Variants in CARMIL2 observed in about 807,000 individuals in gnomAD.
CARMIL2 encodes capping protein regulator and myosin 1 linker 2.
In CARMIL2, 96 loss-of-function variants were observed where a neutral mutation model predicts 173.3. That is an observed-to-expected ratio of 0.55 (90% CI 0.47 to 0.66). The LOEUF (loss-of-function observed/expected upper bound fraction) is 0.66, where lower values mean the gene tolerates loss of function less well. Ranked by LOEUF, CARMIL2 falls within the 30% of genes least tolerant of loss-of-function variation. CARMIL2 has a pLI of 0.00. For missense variants in CARMIL2, 1,771 were observed against 1,906.7 expected (o/e 0.93, Z 1.33); for synonymous variants, 830 against 817.1 (o/e 1.02, Z -0.27).
chr16:67,646,331 G>C lies in CARMIL2; in HGVS notation c.374+21G>C. On this transcript the variant is annotated intron_variant, in intron 5 of 37. Coordinates refer to ENST00000334583, the MANE Select transcript of CARMIL2 (RefSeq NM_001013838.3). The surrounding 1 kb of genome is among the most constrained non-coding windows in gnomAD (Gnocchi z 4.6). ...CTTGGGTGAGGCCTGGCAAATTCGA[G>C]GGGCTGGCAGGGGAGGAGGGAGTGC... 1 of 1,610,642 alleles carries C rather than the reference G, an allele frequency of 6.2e-7. No individual in the cohort carries two copies. Among genetic ancestry groups the C allele is most frequent in the Non-Finnish European group, 8.5e-7 (1 of 1,177,776 alleles).
chr16:67,646,693 G>C lies in CARMIL2; in HGVS notation c.467-21G>C. ...TTTTGTCTCTCTCCTTTTCCACATC[G>C]CACCCCTATCCCCTCCCCAGGTGGC... On this transcript the variant is annotated intron_variant, in intron 6 of 37. Coordinates refer to ENST00000334583, the MANE Select transcript of CARMIL2 (RefSeq NM_001013838.3). The surrounding 1 kb of genome is among the most constrained non-coding windows in gnomAD (Gnocchi z 4.6). 6.2e-7 allele frequency: 1 copy of C among 1,612,606 alleles called. No homozygotes were observed. The highest frequency in any genetic ancestry group is 1.1e-5 in the South Asian group (1 of 91,048).
chr16:67,652,500 A>G lies in CARMIL2; in HGVS notation c.2846A>G (p.Glu949Gly). Reference sequence around the variant, plus strand: ...GACAGTCCTCCACAGAAATGGCCTGAGCTCAGCCACGGTCTTCACCTGGTC... The same window carrying G: ...GACAGTCCTCCACAGAAATGGCCTGGGCTCAGCCACGGTCTTCACCTGGTC... ...KDDSPPQKWP[E>G]LSHGLHLVPF... Residue 949 changes from glutamate (E) to glycine (G), a missense_variant, in exon 28 of 38, where the codon GAG becomes GGG. By Grantham distance (98) the Glu-to-Gly change is moderately conservative. Coordinates refer to ENST00000334583, the MANE Select transcript of CARMIL2 (RefSeq NM_001013838.3). This position sits in a 1 kb window ranked among gnomAD's most constrained non-coding sequence, Gnocchi z 4.7. The G allele has an allele frequency of 6.2e-7, 1 of 1,613,524 alleles. No individual in the cohort carries two copies. The highest frequency in any genetic ancestry group is 8.5e-7 in the Non-Finnish European group (1 of 1,179,796).
Position 67,656,637 on chromosome 16 carries a change from G to A in CARMIL2, c.4028G>A (p.Arg1343Lys), listed in dbSNP as rs1437884868. ...CCAGAGGACCCTTGCTTGGGCCCCA[G>A]AAATGAAGGTAGGCAGGCACCTGAT... ...GLPEDPCLGP[R>K]NEDGQLRPRP... Residue 1343 changes from arginine (R) to lysine (K), a missense_variant, in exon 35 of 38, where the codon AGA becomes AAA. Arg to Lys is a conservative substitution (Grantham distance 26). Transcript: ENST00000334583. The A allele has an allele frequency of 6.3e-7, 1 of 1,589,376 alleles. No homozygotes were observed. Among genetic ancestry groups the A allele is most frequent in the Non-Finnish European group, 8.6e-7 (1 of 1,168,838 alleles).
In CARMIL2 at chr16:67,647,905, C is replaced by T. The variant is rs2052629523; in HGVS notation, c.1018C>T (p.His340Tyr). 6 of 1,611,608 alleles carry T rather than the reference C, an allele frequency of 3.7e-6. No individual in the cohort carries two copies. The highest frequency in any genetic ancestry group is 5.1e-6 in the Non-Finnish European group (6 of 1,178,882). ...TNAAFDSTLT[H>Y]LDLSGNPGAL... is the part of the protein sequence containing the mutation. Reference sequence around the variant, plus strand: ...TGCCGCCTTCGACTCCACCCTGACCCACCTGGACCTTTCTGGGAATCCTGG... The same window carrying T: ...TGCCGCCTTCGACTCCACCCTGACCTACCTGGACCTTTCTGGGAATCCTGG... Residue 340 changes from histidine to tyrosine, a missense_variant, in exon 13 of 38, where the codon CAC (histidine) becomes TAC (tyrosine). This residue lies in a region of CARMIL2 where 944 missense variants were observed against 975.6 expected (regional missense o/e 0.97). Coordinates refer to ENST00000334583, the MANE Select transcript of CARMIL2 (RefSeq NM_001013838.3).
At chr16:67,656,669 C>A (rs1231788916) in intron 35 of CARMIL2, 24 bp downstream of exon 35, 4 of 1,577,932 alleles carry the variant, frequency 2.5e-6, no homozygotes, top group Non-Finnish European at 2.6e-6. Flanking sequence ...TGATTCCCCA[C>A]CCCAATCCTG....
rs2052670289 is a variant in CARMIL2, at chr16:67,649,369, C to T, written c.1746+58C>T. 1.9e-6 allele frequency: 3 copies of T among 1,609,170 alleles called. No individual in the cohort carries two copies. The highest frequency in any genetic ancestry group is 1.7e-5 in the Admixed American group (1 of 60,016). ...AATTAGACCACTTTGGTCCTCCTTT[C>T]TCTTGTTCCCTCAGACCCTGTGACC... On this transcript the variant is annotated intron_variant, in intron 19 of 37. Transcript: ENST00000334583. This position sits in a 1 kb window ranked among gnomAD's most constrained non-coding sequence, Gnocchi z 6.7.
rs778387175 is a variant in CARMIL2, at chr16:67,646,870, G to GT, written c.538-30_538-29insT. ...CCCTCCCTGCCCCTTGTGGCCCCAG[G>GT]CGAACTGTAAGCATCTCCTTCTCAC... On this transcript the variant is annotated intron_variant, in intron 7 of 37. Coordinates refer to ENST00000334583, the MANE Select transcript of CARMIL2 (RefSeq NM_001013838.3). The surrounding 1 kb of genome is among the most constrained non-coding windows in gnomAD (Gnocchi z 4.6). The GT allele has an allele frequency of 6.2e-7, 1 of 1,613,646 alleles. No homozygotes were observed. The highest frequency in any genetic ancestry group is 8.5e-7 in the Non-Finnish European group (1 of 1,179,740).
rs192382147 is a variant in CARMIL2 at position 67,653,944 on chromosome 16, G to A, written c.3121-205G>A. ...AAGGACGGGTGTGGACTGGGTGTGC[G>A]GGAGCCAGCAGCGAGTGAGGAGTGC... On this transcript the variant is annotated intron_variant, in intron 29 of 37. Transcript: ENST00000334583. This position sits in a 1 kb window ranked among gnomAD's most constrained non-coding sequence, Gnocchi z 7.4. 5.3e-5 allele frequency among the ~76,000 whole-genome samples: 8 copies of A among 152,220 alleles called. No homozygotes were observed. In the East Asian group the frequency reaches 5.8e-4, roughly 11 times the overall value.
intron 8 of CARMIL2, 37 bp from the exon 9 acceptor site, chr16:67,647,079 G>A: frequency 6.2e-7 from 1 of 1,611,044 alleles, no homozygotes; most frequent in Non-Finnish European, 8.5e-7. Context: ...TGGCTGGAGG[G>A]CCCTGAGCTC....
Position 67,645,237 on chromosome 16 carries a change from C to A in CARMIL2, c.-10C>A, listed in dbSNP as rs759070808. On this transcript the variant is annotated 5_prime_UTR_variant, in exon 1 of 38. Coordinates refer to ENST00000334583, the MANE Select transcript of CARMIL2 (RefSeq NM_001013838.3). ...CGGAGCTCGTTGGGCCTCCCCGGCC[C>A]GCCCGGCCCATGGCCCAGACCCCCG... The A allele has an allele frequency of 6.3e-7, 1 of 1,586,658 alleles. No individual in the cohort carries two copies. Among genetic ancestry groups the A allele is most frequent in the South Asian group, 1.1e-5 (1 of 87,218 alleles).
rs982172657 is a variant in CARMIL2 at position 67,656,881 on chromosome 16, G to A, written c.4117G>A (p.Glu1373Lys). The change falls in exon 36 of 38, where the codon GAA (glutamate) becomes AAA (lysine). Residue 1373 changes from glutamate (E) to lysine (K), a missense_variant and splice_region_variant. By Grantham distance (56) the Glu-to-Lys change is moderately conservative. Around this residue, in one of 3 missense-constraint regions of CARMIL2, gnomAD observed 817 missense variants for 903.5 expected, o/e 0.90. Transcript: ENST00000334583. ...TGAGGACCAGCTCCAGGCCCCTGCT[G>A]GTGAGGGGAGACACCTCCACGTGTG... ...VHEDQLQAPA[E>K]RPLRLQRSPV... The A allele has an allele frequency of 1.3e-6, 2 of 1,544,534 alleles. No individual in the cohort carries two copies. The highest frequency in any genetic ancestry group is 1.8e-6 in the Non-Finnish European group (2 of 1,142,744).
At chr16:67,656,902 G>A (rs1254819152) in intron 36 of CARMIL2, 21 bp downstream of exon 36, 26 of 1,522,704 alleles carry the variant, frequency 1.7e-5, no homozygotes, top group South Asian at 3.6e-5. Flanking sequence ...ACACCTCCAC[G>A]TGTGCTTGAA....
chr16:67,649,537 G>T lies in CARMIL2; in HGVS notation c.1837G>T (p.Ala613Ser), dbSNP rs201402413. The change falls in exon 20 of 38, where the codon GCG becomes TCG. Residue 613 changes from alanine (A) to serine (S), a missense_variant. Ala to Ser is a moderately conservative substitution (Grantham distance 99, BLOSUM62 1). Around this residue, in one of 3 missense-constraint regions of CARMIL2, gnomAD observed 944 missense variants for 975.6 expected, o/e 0.97. Coordinates refer to ENST00000334583, the MANE Select transcript of CARMIL2 (RefSeq NM_001013838.3). This position sits in a 1 kb window ranked among gnomAD's most constrained non-coding sequence, Gnocchi z 6.7. ...CCTAGCCACCAATCCTAACCTGACC[G>T]CGCTGGATATCAGCGGCAACGCCAT... is the stretch of plus-strand genomic sequence containing the variant. Reference protein sequence around the residue: ...RALATNPNLTALDISGNAMGD... With the variant: ...RALATNPNLTSLDISGNAMGD... The T allele has an allele frequency of 1.2e-6, 2 of 1,606,134 alleles. No homozygotes were observed. Among genetic ancestry groups the T allele is most frequent in the Admixed American group, 1.7e-5 (1 of 60,016 alleles).
Position 67,653,657 on chromosome 16 carries a change from T to A in CARMIL2, c.3120+403T>A, listed in dbSNP as rs1171573715. On this transcript the variant is annotated intron_variant, in intron 29 of 37. Transcript: ENST00000334583. This position sits in a 1 kb window ranked among gnomAD's most constrained non-coding sequence, Gnocchi z 7.4. The stretch of plus-strand genomic sequence containing the variant: ...CGGCGCGTGTGGGGAGATGCGTGTG[T>A]GGGCTGCAAGCCCGCGGGGGCAGCG... 6.6e-6 allele frequency among the ~76,000 whole-genome samples: 1 copy of A among 152,012 alleles called. No individual in the cohort carries two copies. The highest frequency in any genetic ancestry group is 1.9e-4 in the East Asian group (1 of 5,150).
At chr16:67,650,955 A>G in intron 22 of CARMIL2, 1 of 504,048 alleles carries the variant, frequency 2.0e-6, no homozygotes, top group East Asian at 3.1e-5. Context: ...GACATGATTT[A>G]CAACTCCTTT....
rs1452076744 is a variant in CARMIL2 at position 67,652,641 on chromosome 16, TA to T, written c.2884+104del. 1 of 1,145,724 alleles carries T rather than the reference TA, an allele frequency of 8.7e-7. No homozygotes were observed. Among genetic ancestry groups the T allele is most frequent in the Non-Finnish European group, 1.3e-6 (1 of 789,070 alleles). The allele number at this position is 1,145,724 out of a possible 1,614,324, so 71.0% of individuals were successfully genotyped here. A position where few individuals can be genotyped will look rare whatever the true frequency, so the allele number is the denominator to read the frequency against. On this transcript the variant is annotated intron_variant, in intron 28 of 37. Coordinates refer to ENST00000334583, the MANE Select transcript of CARMIL2 (RefSeq NM_001013838.3). The surrounding 1 kb of genome is among the most constrained non-coding windows in gnomAD (Gnocchi z 4.7). ...ATGAACTCATTCAGCCTTGTCTGGG[TA>T]CCCACCAGCCCTTGACTGGGCCAGG...
chr16:67,651,138 G>T lies in CARMIL2; in HGVS notation c.2185-49G>T. The stretch of plus-strand genomic sequence containing the variant: ...CCTGGGAGGAAGGCAGGCAGGATCT[G>T]GGAGACTGGGAGGGGGCTAGGCTGA... On this transcript the variant is annotated intron_variant, in intron 22 of 37. Coordinates refer to ENST00000334583, the MANE Select transcript of CARMIL2 (RefSeq NM_001013838.3). This position sits in a 1 kb window ranked among gnomAD's most constrained non-coding sequence, Gnocchi z 4.2. The T allele has an allele frequency of 1.9e-6, 3 of 1,586,358 alleles. No homozygotes were observed. The highest frequency in any genetic ancestry group is 2.6e-6 in the Non-Finnish European group (3 of 1,164,102).
intron 10 of CARMIL2, 54 bp from the exon 11 acceptor site, chr16:67,647,454 G>C: frequency 1.3e-6 from 2 of 1,559,678 alleles, no homozygotes; most frequent in Non-Finnish European, 1.7e-6. Flanking sequence ...CTAGTGGCCT[G>C]GGAGGGGTTG....
intron 32 of CARMIL2, 117 bp from the exon 33 acceptor site, chr16:67,655,914 G>A: frequency 4.8e-6 from 6 of 1,245,422 alleles, no homozygotes; most frequent in Non-Finnish European, 5.6e-6. Flanking sequence ...GGTTTGCCAT[G>A]TTCTTGTCCA....
Sources: allele counts gnomAD v4.1 joint callset (sites outside exome capture counted in the v4.1 genomes callset), GRCh38; gene constraint gnomAD v4.1.1; regional missense constraint gnomAD v4.1.1; non-coding constraint Gnocchi (gnomAD v3.1); transcripts MANE v1.5; gene names NCBI Gene and HGNC (gene_info 2026-07-23, HGNC 2026-07-21).